INSR: variants seen among roughly 807,000 people sequenced by gnomAD.
INSR encodes IR.
In INSR, 67 loss-of-function variants were observed where a neutral mutation model predicts 142.6. The observed-to-expected ratio is 0.47, with a 90% CI of 0.39 to 0.58. The LOEUF (loss-of-function observed/expected upper bound fraction) is 0.58, where lower values mean the gene tolerates loss of function less well. Among genes scored for constraint, INSR ranks in the 20% least tolerant of loss-of-function variants. The pLI, the probability that INSR is intolerant of heterozygous loss-of-function variation, is 0.00. For missense variants in INSR, 1,248 were observed against 1,833.2 expected (o/e 0.68, Z 5.83); for synonymous variants, 756 against 743.1 (o/e 1.02, Z -0.28).
chr19:7,242,951 T>C (rs760136692), intron 2 of INSR, among the ~76,000 whole-genome samples: 5 of 151,928 alleles, frequency 3.3e-5, no homozygotes, highest in Non-Finnish European at 7.4e-5. Context: ...AAAAATGAGG[T>C]TTTGGGAAGC....
intron 2 of INSR, 34 bp from the exon 3 acceptor site, chr19:7,184,671 T>C (rs544294852): frequency 1.3e-6 from 1 of 799,870 alleles, no homozygotes; most frequent in African/African-American, 3.1e-5. Flanking sequence ...GGGAAATAAA[T>C]AAATAAATAA....
chr19:7,253,307 C>G (rs566217360), intron 2 of INSR, among the ~76,000 whole-genome samples: 1 of 152,024 alleles, frequency 6.6e-6, no homozygotes, highest in South Asian at 2.1e-4. Context: ...GACGTGATCT[C>G]GACTCACTGC....
In INSR at chr19:7,232,386, A is replaced by G. The variant is rs150280242; in HGVS notation, c.652+34959T>C. Among the ~76,000 whole-genome samples, 826 of 152,040 alleles carry G rather than the reference A, an allele frequency of 5.4e-3. 4 individuals carry two copies. Among genetic ancestry groups the G allele is most frequent in the African/African-American group, 0.019 (778 of 41,478 alleles). On this transcript the variant is annotated intron_variant, in intron 2 of 21. Transcript: ENST00000302850. Reference sequence around the variant, plus strand: ...ACCATCACGTCTGGCTAATTTTTGTATTTTTAGTAGTTGGCCAGGCTGGTT... The same window carrying G: ...ACCATCACGTCTGGCTAATTTTTGTGTTTTTAGTAGTTGGCCAGGCTGGTT...
chr19:7,225,742 C>T lies in INSR; in HGVS notation c.653-41105G>A, dbSNP rs1975760782. 6.6e-6 allele frequency among the ~76,000 whole-genome samples: 1 copy of T among 152,116 alleles called. No individual in the cohort carries two copies. The highest frequency in any genetic ancestry group is 6.6e-5 in the Admixed American group (1 of 15,248). ...GAGCAGAGAATAATTGCAGAGTGCC[C>T]CTCACCCCCATTCCAGCACCCTGGT... On this transcript the variant is annotated intron_variant, in intron 2 of 21. Transcript: ENST00000302850. This position sits in a 1 kb window ranked among gnomAD's most constrained non-coding sequence, Gnocchi z 4.7.
chr19:7,161,267 TTA>T (rs990417209), intron 9 of INSR, among the ~76,000 whole-genome samples: 68 of 151,642 alleles, frequency 4.5e-4, no homozygotes, highest in African/African-American at 1.6e-3. Flanking sequence ...ATAATTTTTT[TTA>T]TATATATAGA....
intron 1 of INSR, among the ~76,000 whole-genome samples, chr19:7,280,742 A>T (rs149175799): frequency 3.2e-3 from 491 of 151,690 alleles, no homozygotes; most frequent in African/African-American, 0.011. Flanking sequence ...AAAACCCAAA[A>T]ATTAGTCAGG....
At position 7,122,875 on chromosome 19, in the gene INSR, T is replaced by A; in HGVS notation, c.3369+4A>T. ...ACCCCGCTGGGTCCCCCGAAGCAGC[T>A]TACCTCAGCCTCTGGCCGCAGAGAA... On this transcript the variant is annotated splice_donor_region_variant and intron_variant, in intron 18 of 21. Coordinates refer to ENST00000302850, the MANE Select transcript of INSR (RefSeq NM_000208.4). 6.2e-7 allele frequency: 1 copy of A among 1,609,812 alleles called. No homozygotes were observed.
rs112797454 is a variant in INSR at position 7,277,270 on chromosome 19, C to T, written c.101-9374G>A. Among the ~76,000 whole-genome samples, 192 of 152,034 alleles carry T rather than the reference C, an allele frequency of 1.3e-3. 3 individuals are homozygous for T. The highest frequency in any genetic ancestry group is 4.4e-3 in the African/African-American group (182 of 41,480). Reference sequence around the variant, plus strand: ...CTACCTCTGCGAGAAGGAATGGAGGCGTCTGGATCAAATGCAGGTTCTGGA... The same window carrying T: ...CTACCTCTGCGAGAAGGAATGGAGGTGTCTGGATCAAATGCAGGTTCTGGA... On this transcript the variant is annotated intron_variant, in intron 1 of 21. Transcript: ENST00000302850.
chr19:7,166,787 G>A lies in INSR; in HGVS notation c.1611-383C>T, dbSNP rs2144940640. Among the ~76,000 whole-genome samples, 2 of 152,190 alleles carry A rather than the reference G, an allele frequency of 1.3e-5. No homozygotes were observed. Among genetic ancestry groups the A allele is most frequent in the South Asian group, 4.2e-4 (2 of 4,818 alleles). On this transcript the variant is annotated intron_variant, in intron 7 of 21. Transcript: ENST00000302850. This position sits in a 1 kb window ranked among gnomAD's most constrained non-coding sequence, Gnocchi z 4.1. ...ATACAAAAATTATCTGGGCATGGTGGCAGATGCTTGTAATCCCAGCTATTC... is the reference window on the plus strand; with the variant it reads ...ATACAAAAATTATCTGGGCATGGTGACAGATGCTTGTAATCCCAGCTATTC...
intron 3 of INSR, among the ~76,000 whole-genome samples, chr19:7,177,702 A>ATTTTT (rs71177166): frequency 2.2e-4 from 20 of 90,646 alleles, no homozygotes; most frequent in Non-Finnish European, 3.1e-4. Context: ...CTAATTTTGT[A>ATTTTT]TTTTTTTTTT....
chr19:7,188,845 T>C (rs1974501511), intron 2 of INSR, among the ~76,000 whole-genome samples: 1 of 122,068 alleles, frequency 8.2e-6, no homozygotes, highest in Non-Finnish European at 1.6e-5. Context: ...AACTCCAGCC[T>C]AGGTGACAGA....
At chr19:7,229,332 A>ATGGATAGATG (rs1568204425) in intron 2 of INSR, among the ~76,000 whole-genome samples, 1,228 of 81,776 alleles carry the variant, frequency 0.015, 10 homozygotes, top group Middle Eastern at 0.034. Flanking sequence ...ATGGATGGAT[A>ATGGATAGATG]GATGGATGGA....
At position 7,267,483 on chromosome 19, in the gene INSR, T is replaced by A. The variant is rs771145256; in HGVS notation, c.514A>T (p.Ile172Phe). Reference sequence around the variant, plus strand: ...TCGTTGTCATCTTTGTTCAACACGATGTAATTATCCTCCACGGAATCCAGG... The same window carrying A: ...TCGTTGTCATCTTTGTTCAACACGAAGTAATTATCCTCCACGGAATCCAGG... ...RILDSVEDNY[I>F]VLNKDDNEEC... Residue 172 changes from isoleucine (I) to phenylalanine (F), a missense_variant, in exon 2 of 22, where the codon ATC becomes TTC. Ile to Phe is a conservative substitution (Grantham distance 21). This residue lies in a region of INSR where 1,069 missense variants were observed against 1,654.0 expected (regional missense o/e 0.65). Coordinates refer to ENST00000302850, the MANE Select transcript of INSR (RefSeq NM_000208.4). This position sits in a 1 kb window ranked among gnomAD's most constrained non-coding sequence, Gnocchi z 6.3. 3.7e-6 allele frequency: 6 copies of A among 1,613,942 alleles called. No individual in the cohort carries two copies. The highest frequency in any genetic ancestry group is 4.2e-6 in the Non-Finnish European group (5 of 1,180,026).
chr19:7,120,548 C>A, intron 20 of INSR, 72 bp downstream of exon 20: 3 of 1,593,366 alleles, frequency 1.9e-6, no homozygotes, highest in Non-Finnish European at 1.7e-6. Flanking sequence ...GGCTTCCTTC[C>A]CCCGCTCTTG....
intron 2 of INSR, among the ~76,000 whole-genome samples, chr19:7,252,266 G>C (rs1483196067): frequency 6.6e-6 from 1 of 152,086 alleles, no homozygotes; most frequent in African/African-American, 2.4e-5. Flanking sequence ...AAAAAAAGTA[G>C]CCAGGCGTGG....
intron 2 of INSR, among the ~76,000 whole-genome samples, chr19:7,196,844 C>G (rs1170269974): frequency 1.1e-4 from 16 of 152,050 alleles, no homozygotes; most frequent in Admixed American, 1.0e-3. Context: ...AATTTCCAAA[C>G]GGAACAGTTG....
At chr19:7,269,245 C>T (rs967718991) in intron 1 of INSR, among the ~76,000 whole-genome samples, 7 of 147,552 alleles carry the variant, frequency 4.7e-5, no homozygotes, top group African/African-American at 1.7e-4. Context: ...GAATTACCCA[C>T]AAAAGAAGCA....
rs552152162 is a variant in INSR at position 7,123,104 on chromosome 19, G to A, written c.3259-115C>T. 242 of 775,566 alleles carry A rather than the reference G, an allele frequency of 3.1e-4. 1 individual carries two copies. The East Asian group carries it at 3.7e-3, about 12-fold the overall frequency. 48.0% of individuals were successfully genotyped at this position (775,566 alleles called of 1,614,324 possible). A position where few individuals can be genotyped will look rare whatever the true frequency, so the allele number is the denominator to read the frequency against. ...CAGCACCCTGTGGCCTGGATGCAGC[G>A]TGCTCAGCCCTGGTCTAGGAGAGCA... On this transcript the variant is annotated intron_variant, in intron 17 of 21. Transcript: ENST00000302850.
intron 1 of INSR, among the ~76,000 whole-genome samples, chr19:7,292,470 T>TGGGGGGGGGG (rs755617421): frequency 9.9e-6 from 1 of 100,782 alleles, no homozygotes; most frequent in Non-Finnish European, 2.1e-5. Flanking sequence ...GGGGCGGGGC[T>TGGGGGGGGGG]GGGGGGGGGT....
Sources: gnomAD v4.1 joint callset for allele counts (sites outside exome capture counted in the v4.1 genomes callset) on GRCh38, gnomAD v4.1.1 for gene constraint, gnomAD v4.1.1 regional missense constraint, Gnocchi (gnomAD v3.1) non-coding constraint, MANE v1.5 for transcripts, NCBI Gene and HGNC (gene_info 2026-07-23, HGNC 2026-07-21) for gene names.